The following GRID2 variants were observed in gnomAD, a reference collection of about 807,000 sequenced individuals.
GRID2 encodes glutamate ionotropic receptor delta type subunit 2, also known as glutamate receptor ionotropic, delta-2.
A neutral mutation model predicts 114.8 loss-of-function variants in GRID2; 33 were observed. That is an observed-to-expected ratio of 0.29 (90% CI 0.22 to 0.38). The LOEUF (loss-of-function observed/expected upper bound fraction) is 0.38. GRID2 is among the 10% of genes least tolerant of loss of function. The pLI is 1.00. For synonymous variants in GRID2, 505 were observed against 449.9 expected, an observed-to-expected ratio of 1.12 and a Z score of -1.55; for missense variants, 1,184 against 1,257.7, an observed-to-expected ratio of 0.94 and a Z score of 0.89.
At chr4:93,565,890 C>A (rs1050232021) in intron 13 of GRID2, among the ~76,000 whole-genome samples, 1 of 152,054 alleles carries the variant, frequency 6.6e-6, no homozygotes, top group Non-Finnish European at 1.5e-5. Context: ...TTATCTTGCC[C>A]TTTTTAGAAC....
chr4:92,903,548 C>G (rs921058292), intron 2 of GRID2, among the ~76,000 whole-genome samples: 1 of 151,892 alleles, frequency 6.6e-6, no homozygotes, highest in South Asian at 2.1e-4. Flanking sequence ...GGTTAAATGT[C>G]AAGCCTTAAA....
At chr4:93,107,172 A>C (rs1301458102) in intron 3 of GRID2, among the ~76,000 whole-genome samples, 8 of 152,048 alleles carry the variant, frequency 5.3e-5, no homozygotes, top group Admixed American at 5.2e-4. Flanking sequence ...GGAGGTGTGC[A>C]CCTGCAGTCT....
Position 92,315,708 on chromosome 4 carries a change from C to T in GRID2, c.88+10964C>T, listed in dbSNP as rs182466520. Among the ~76,000 whole-genome samples, 370 of 152,190 alleles carry T rather than the reference C, an allele frequency of 2.4e-3. 1 individual carries two copies. The highest frequency in any genetic ancestry group is 4.4e-3 in the Non-Finnish European group (301 of 68,008). On this transcript the variant is annotated intron_variant, in intron 1 of 15. Transcript: ENST00000282020. ...AGTCCTGGCCATGCACGGTGGCTCA[C>T]GCCTGTAATCCCAACACTTCGGGAG... is the stretch of plus-strand genomic sequence containing the variant.
chr4:92,710,265 T>C (rs1194052630), intron 2 of GRID2, among the ~76,000 whole-genome samples: 2 of 140,080 alleles, frequency 1.4e-5, no homozygotes, highest in African/African-American at 5.3e-5. Flanking sequence ...TTATTTGTAA[T>C]TGCTAAAAGA....
intron 2 of GRID2, among the ~76,000 whole-genome samples, chr4:92,895,225 G>A (rs1432989614): frequency 1.3e-5 from 2 of 151,484 alleles, no homozygotes; most frequent in Admixed American, 6.6e-5. Context: ...TGTAAGACAA[G>A]TTTTGAAGAT....
chr4:92,760,441 G>A (rs1336524263), intron 2 of GRID2, among the ~76,000 whole-genome samples: 1 of 151,922 alleles, frequency 6.6e-6, no homozygotes, highest in African/African-American at 2.4e-5. Context: ...CACTGAGCAG[G>A]TCACAGCCAG....
At chr4:92,522,960 C>G (rs182949941) in intron 1 of GRID2, among the ~76,000 whole-genome samples, 122 of 151,860 alleles carry the variant, frequency 8.0e-4, no homozygotes, top group Non-Finnish European at 8.8e-5. Flanking sequence ...GGAATTATAG[C>G]CAATTGTATG....
At chr4:93,488,979 G>T (rs181651618) in intron 11 of GRID2, among the ~76,000 whole-genome samples, 6 of 152,074 alleles carry the variant, frequency 3.9e-5, no homozygotes, top group African/African-American at 1.2e-4. Flanking sequence ...TTCAGGACAT[G>T]AATTTGAGAG....
At chr4:93,046,060 A>G (rs1199124768) in intron 2 of GRID2, among the ~76,000 whole-genome samples, 1 of 152,108 alleles carries the variant, frequency 6.6e-6, no homozygotes, top group African/African-American at 2.4e-5. Flanking sequence ...GAAGTCTCCT[A>G]GAATATAAGG....
intron 1 of GRID2, among the ~76,000 whole-genome samples, chr4:92,324,929 T>G (rs1488583313): frequency 6.6e-6 from 1 of 151,896 alleles, no homozygotes. Context: ...TTCAAAATTA[T>G]CACACTATGT....
chr4:92,589,052 G>A (rs1271348973), intron 1 of GRID2, among the ~76,000 whole-genome samples: 15 of 152,168 alleles, frequency 9.9e-5, no homozygotes, highest in Non-Finnish European at 1.5e-5. Flanking sequence ...GTTGCAATGA[G>A]CTGAAATCAC....
At chr4:93,737,901 T>G (rs1731058287) in intron 14 of GRID2, among the ~76,000 whole-genome samples, 1 of 152,152 alleles carries the variant, frequency 6.6e-6, no homozygotes, top group Admixed American at 6.6e-5. Flanking sequence ...TATTGCAAGC[T>G]AATTGTTGTA....
chr4:93,740,798 T>TGTATAGTC (rs1405737565), intron 14 of GRID2, among the ~76,000 whole-genome samples: 1 of 151,998 alleles, frequency 6.6e-6, no homozygotes, highest in Non-Finnish European at 1.5e-5. Flanking sequence ...TTCACCTCTC[T>TGTATAGTC]GTATAGTCTA....
intron 1 of GRID2, among the ~76,000 whole-genome samples, chr4:92,381,742 T>C (rs190766111): frequency 6.6e-6 from 1 of 152,160 alleles, no homozygotes; most frequent in Admixed American, 6.6e-5. Flanking sequence ...ATCAGTGAAT[T>C]GACTTTGAAA....
At chr4:93,531,294 G>A (rs1731419995) in intron 13 of GRID2, among the ~76,000 whole-genome samples, 1 of 152,036 alleles carries the variant, frequency 6.6e-6, no homozygotes, top group Non-Finnish European at 1.5e-5. Flanking sequence ...CTTCCCTTTT[G>A]CCCCAGGCAC....
intron 11 of GRID2, among the ~76,000 whole-genome samples, chr4:93,461,125 A>C (rs1221992337): frequency 6.6e-6 from 1 of 152,172 alleles, no homozygotes; most frequent in East Asian, 1.9e-4. Context: ...TTTCTATCCC[A>C]CTGCTCCCTT....
chr4:92,532,907 T>C (rs912669518), intron 1 of GRID2, among the ~76,000 whole-genome samples: 2 of 151,992 alleles, frequency 1.3e-5, no homozygotes, highest in Non-Finnish European at 2.9e-5. Flanking sequence ...GCCCTATTTA[T>C]ACAAAACAGA....
intron 13 of GRID2, among the ~76,000 whole-genome samples, chr4:93,580,575 A>C (rs1255399939): frequency 6.6e-6 from 1 of 152,122 alleles, no homozygotes; most frequent in Admixed American, 6.6e-5. Flanking sequence ...ACCAGGCATG[A>C]ATGTTTTAGG....
At chr4:92,540,119 T>C (rs948316165) in intron 1 of GRID2, among the ~76,000 whole-genome samples, 1 of 152,174 alleles carries the variant, frequency 6.6e-6, no homozygotes, top group Non-Finnish European at 1.5e-5. Context: ...CTGGATCCCT[T>C]CTTTACACCT....
Sources: gnomAD v4.1 joint callset for allele counts (sites outside exome capture counted in the v4.1 genomes callset) on GRCh38, gnomAD v4.1.1 for gene constraint, MANE v1.5 for transcripts, NCBI Gene and HGNC (gene_info 2026-07-23, HGNC 2026-07-21) for gene names.